The following DPY30 variants were observed in gnomAD, a reference collection of about 807,000 sequenced individuals.
The protein encoded by DPY30 is protein dpy-30 homolog.
A neutral mutation model predicts 16.2 loss-of-function variants in DPY30; 6 were observed. That is an observed-to-expected ratio of 0.37 (90% CI 0.20 to 0.73). The LOEUF (loss-of-function observed/expected upper bound fraction) is 0.73. Among genes scored for constraint, DPY30 ranks in the 30% least tolerant of loss-of-function variants. The probability of loss-of-function intolerance (pLI) is 0.51; values close to 1 mark genes in which losing one functional copy is unlikely to be tolerated. For synonymous variants in DPY30, 39 were observed against 38.8 expected (o/e 1.00, Z -0.02); for missense variants, 73 against 113.1 (o/e 0.65, Z 1.61).
chr2:32,027,785 C>T (rs575468370), intron 4 of DPY30, among the ~76,000 whole-genome samples: 12 of 151,932 alleles, frequency 7.9e-5, no homozygotes, highest in African/African-American at 2.4e-4. Flanking sequence ...CCTGCCACCA[C>T]GCCCAGCTAA....
At chr2:32,028,418 T>C (rs35369518) in intron 4 of DPY30, among the ~76,000 whole-genome samples, 12,124 of 152,296 alleles carry the variant, frequency 0.08, 674 homozygotes, top group Non-Finnish European at 0.13. Flanking sequence ...ACCAATTTTC[T>C]TATTAGATTT....
At chr2:32,025,611 A>C (rs758617407) in intron 4 of DPY30, among the ~76,000 whole-genome samples, 2 of 151,834 alleles carry the variant, frequency 1.3e-5, no homozygotes, top group Non-Finnish European at 2.9e-5. Context: ...AAATACAAAA[A>C]ATTAGCCGGG....
In DPY30 at chr2:32,038,979, A is replaced by C. The variant is rs142869794; in HGVS notation, c.84+300T>G. On this transcript the variant is annotated intron_variant, in intron 3 of 4. Transcript: ENST00000342166. Reference sequence around the variant, plus strand: ...TTCTTAATTTTAATATGCGGTTTTTACGTAGCAACATCCCAAAAGATCGAT... The same window carrying C: ...TTCTTAATTTTAATATGCGGTTTTTCCGTAGCAACATCCCAAAAGATCGAT... Among the ~76,000 whole-genome samples the C allele has an allele frequency of 1.8e-3, 279 of 152,290 alleles. 2 individuals carry two copies. Among genetic ancestry groups the C allele is most frequent in the African/African-American group, 6.5e-3 (270 of 41,590 alleles).
intron 4 of DPY30, among the ~76,000 whole-genome samples, chr2:32,027,654 G>A (rs1327851618): frequency 5.3e-5 from 7 of 130,972 alleles, no homozygotes; most frequent in Middle Eastern, 5.0e-3. Context: ...TTTTTGAGAC[G>A]GAGTCGCTCT....
chr2:32,017,336 G>A (rs1675084595), intron 5 of DPY30, among the ~76,000 whole-genome samples: 1 of 152,068 alleles, frequency 6.6e-6, no homozygotes, highest in East Asian at 1.9e-4. Flanking sequence ...GAAACTCTCA[G>A]CTGGGGGTGG....
downstream of DPY30, among the ~76,000 whole-genome samples, chr2:32,018,987 C>T (rs1392317978): frequency 2.6e-5 from 4 of 152,140 alleles, no homozygotes; most frequent in Admixed American, 2.6e-4. Context: ...GATCATCCCA[C>T]TACACTCCAA....
chr2:32,024,077 A>C lies in DPY30; in HGVS notation c.*107T>G. On this transcript the variant is annotated 3_prime_UTR_variant, in exon 5 of 5. Transcript: ENST00000342166. ...TCCAGAAATAGGTTCTGTTGTCCGG[A>C]AGGTTCTTATACATCCAAAAAGAGG... is the stretch of plus-strand genomic sequence containing the variant. The C allele has an allele frequency of 6.6e-7, 1 of 1,518,794 alleles. No individual in the cohort carries two copies. Among genetic ancestry groups the C allele is most frequent in the Non-Finnish European group, 8.8e-7 (1 of 1,139,564 alleles). 94.1% of individuals were successfully genotyped at this position (1,518,794 alleles called of 1,614,324 possible).
intron 3 of DPY30, among the ~76,000 whole-genome samples, chr2:32,035,181 G>T (rs545463230): frequency 2.8e-4 from 42 of 151,968 alleles, no homozygotes; most frequent in Non-Finnish European, 5.4e-4. Flanking sequence ...TACTCAGGAG[G>T]CTGAGGTGGG....
At chr2:32,017,660 C>G (rs1159820997) in intron 5 of DPY30, among the ~76,000 whole-genome samples, 1 of 151,776 alleles carries the variant, frequency 6.6e-6, no homozygotes, top group Non-Finnish European at 1.5e-5. Context: ...TTATGGCACT[C>G]TTTCTATATT....
chr2:32,023,065 C>G (rs574221084), downstream of DPY30, among the ~76,000 whole-genome samples: 1 of 151,850 alleles, frequency 6.6e-6, no homozygotes, highest in African/African-American at 2.4e-5. Flanking sequence ...TGCCTGTAAT[C>G]CCAGCACTTT....
chr2:32,038,945 G>A (rs1373668807), intron 3 of DPY30, among the ~76,000 whole-genome samples: 2 of 152,208 alleles, frequency 1.3e-5, no homozygotes, highest in African/African-American at 2.4e-5. Context: ...ATCGCGCCCG[G>A]CGAAGGGTTT....
chr2:32,028,291 A>G (rs575406955), intron 4 of DPY30, among the ~76,000 whole-genome samples: 2 of 151,974 alleles, frequency 1.3e-5, no homozygotes, highest in African/African-American at 4.8e-5. Flanking sequence ...GAGATGAGAC[A>G]TGGTTCCATC....
intron 5 of DPY30, among the ~76,000 whole-genome samples, chr2:32,016,946 G>C (rs942929402): frequency 6.6e-6 from 1 of 151,984 alleles, no homozygotes; most frequent in Non-Finnish European, 1.5e-5. Flanking sequence ...GCAATGGCGC[G>C]ATCTCGGTTC....
At chr2:32,036,544 G>A (rs1298883139) in intron 3 of DPY30, among the ~76,000 whole-genome samples, 3 of 151,844 alleles carry the variant, frequency 2.0e-5, no homozygotes, top group Non-Finnish European at 4.4e-5. Context: ...TGGTGGCGGC[G>A]CCTGTAGTCC....
At chr2:32,026,745 G>A (rs1043617631) in intron 4 of DPY30, among the ~76,000 whole-genome samples, 3 of 151,894 alleles carry the variant, frequency 2.0e-5, no homozygotes, top group Non-Finnish European at 4.4e-5. Flanking sequence ...CTGACATCGT[G>A]CCACTGCACT....
intron 3 of DPY30, among the ~76,000 whole-genome samples, chr2:32,036,655 A>C (rs1675751380): frequency 6.8e-6 from 1 of 147,616 alleles, no homozygotes; most frequent in African/African-American, 2.5e-5. Flanking sequence ...TGGGCGACAG[A>C]GCAAGACTCT....
chr2:32,012,722 G>C (rs765238378), intron 5 of DPY30, among the ~76,000 whole-genome samples: 7 of 152,128 alleles, frequency 4.6e-5, no homozygotes, highest in Non-Finnish European at 8.8e-5. Context: ...ACAGGCATGA[G>C]CCATCGCACC....
chr2:32,038,681 A>C (rs1211994036), intron 3 of DPY30, among the ~76,000 whole-genome samples: 2 of 115,164 alleles, frequency 1.7e-5, no homozygotes, highest in African/African-American at 3.5e-5. Context: ...ACGGAGTCTC[A>C]CTCTGCCGCC....
At position 32,026,869 on chromosome 2, in the gene DPY30, C is replaced by T. The variant is rs186248832; in HGVS notation, c.228-2613G>A. ...TAAATTTCTAATATATTAGTCTTCC[C>T]TAGAGGAAAAACAAAAAAATAGAAA... On this transcript the variant is annotated intron_variant, in intron 4 of 4. Coordinates refer to ENST00000342166, the MANE Select transcript of DPY30 (RefSeq NM_001321209.2). Among the ~76,000 whole-genome samples the T allele has an allele frequency of 9.8e-3, 1,470 of 150,382 alleles. 25 individuals are homozygous for T. Among genetic ancestry groups the T allele is most frequent in the South Asian group, 0.048 (231 of 4,780 alleles).
Sources: gnomAD v4.1 joint callset for allele counts (sites outside exome capture counted in the v4.1 genomes callset) on GRCh38, gnomAD v4.1.1 for gene constraint, MANE v1.5 for transcripts, NCBI Gene and HGNC (gene_info 2026-07-23, HGNC 2026-07-21) for gene names.